Variants in EPS8 observed in about 807,000 individuals in gnomAD.
The protein encoded by EPS8 is epidermal growth factor receptor kinase substrate 8.
In EPS8, 42 loss-of-function variants were observed where a neutral mutation model predicts 103.8. That is an observed-to-expected ratio of 0.40 (90% CI 0.32 to 0.52). The LOEUF is 0.52. EPS8 is among the 20% of genes least tolerant of loss of function. The pLI is 0.40. For missense variants in EPS8, 969 were observed against 1,005.1 expected, an observed-to-expected ratio of 0.96 and a Z score of 0.49; for synonymous variants, 344 against 344.6, an observed-to-expected ratio of 1.00 and a Z score of 0.02.
intron 3 of EPS8, among the ~76,000 whole-genome samples, chr12:15,677,796 A>T (rs1945935205): frequency 6.6e-6 from 1 of 152,178 alleles, no homozygotes; most frequent in Non-Finnish European, 1.5e-5. Flanking sequence ...CACAAAACAC[A>T]CACATAGTGC....
At chr12:15,676,843 G>C (rs1365674443) in intron 3 of EPS8, among the ~76,000 whole-genome samples, 1 of 152,028 alleles carries the variant, frequency 6.6e-6, no homozygotes, top group Admixed American at 6.5e-5. Flanking sequence ...TTCTTGTATG[G>C]TAATTTAAAA....
intron 1 of EPS8, among the ~76,000 whole-genome samples, chr12:15,786,772 T>A (rs550385688): frequency 6.6e-6 from 1 of 152,226 alleles, no homozygotes; most frequent in Non-Finnish European, 1.5e-5. Flanking sequence ...ACTTAAAATG[T>A]TTGCAACTAT....
chr12:15,721,270 C>T lies in EPS8; in HGVS notation c.-21-38298G>A, dbSNP rs1228629283. 6.6e-6 allele frequency among the ~76,000 whole-genome samples: 1 copy of T among 152,178 alleles called. No homozygotes were observed. Among genetic ancestry groups the T allele is most frequent in the African/African-American group, 2.4e-5 (1 of 41,442 alleles). On this transcript the variant is annotated intron_variant, in intron 1 of 20. Coordinates refer to ENST00000281172, the MANE Select transcript of EPS8 (RefSeq NM_004447.6). The surrounding 1 kb of genome is among the most constrained non-coding windows in gnomAD (Gnocchi z 4.4). ...GAAACCCACCCATGTCTGTAATATACAGTCATATGCCATTCCCCACTCACA... is the reference window on the plus strand; with the variant it reads ...GAAACCCACCCATGTCTGTAATATATAGTCATATGCCATTCCCCACTCACA...
At chr12:15,758,429 A>G (rs1947009546) in intron 1 of EPS8, among the ~76,000 whole-genome samples, 1 of 152,228 alleles carries the variant, frequency 6.6e-6, no homozygotes, top group African/African-American at 2.4e-5. Context: ...GATCTCTCCA[A>G]TAGAACTTTC....
chr12:15,627,240 G>A (rs960250804), intron 18 of EPS8, among the ~76,000 whole-genome samples: 13 of 151,984 alleles, frequency 8.6e-5, no homozygotes, highest in African/African-American at 2.2e-4. Flanking sequence ...TCCTGACCTC[G>A]TGATCCACCC....
chr12:15,634,869 T>C, intron 17 of EPS8: 1 of 394,642 alleles, frequency 2.5e-6, no homozygotes, highest in Non-Finnish European at 4.5e-6. Context: ...AAGAGTAAAT[T>C]AGCCTGACAG....
At position 15,773,700 on chromosome 12, in the gene EPS8, A is replaced by G. The variant is rs146491444; in HGVS notation, c.-22+15461T>C. On this transcript the variant is annotated intron_variant, in intron 1 of 20. Coordinates refer to ENST00000281172, the MANE Select transcript of EPS8 (RefSeq NM_004447.6). ...ATCAGTTTTATCATTCCAGCAAATA[A>G]TCTCAGGACAACATTATTTTGACAG... Among the ~76,000 whole-genome samples the G allele has an allele frequency of 3.3e-4, 50 of 152,302 alleles. No individual in the cohort carries two copies. The East Asian group carries it at 6.4e-3, about 19-fold the overall frequency.
chr12:15,766,791 A>G (rs1368869982), intron 1 of EPS8, among the ~76,000 whole-genome samples: 1 of 152,206 alleles, frequency 6.6e-6, no homozygotes, highest in Non-Finnish European at 1.5e-5. Flanking sequence ...TTAAGCATAT[A>G]AAGTAAGACT....
intron 17 of EPS8, among the ~76,000 whole-genome samples, chr12:15,633,701 T>C (rs981130626): frequency 3.9e-5 from 6 of 152,224 alleles, no homozygotes; most frequent in African/African-American, 1.4e-4. Flanking sequence ...CCATAAATTA[T>C]ATTTACTTGC....
intron 1 of EPS8, among the ~76,000 whole-genome samples, chr12:15,712,633 G>T (rs1476909895): frequency 6.6e-6 from 1 of 152,120 alleles, no homozygotes; most frequent in East Asian, 1.9e-4. Context: ...TAAGCCAGAA[G>T]ACAGGAGGCA....
In EPS8 at chr12:15,752,426, G is replaced by A. The variant is rs774701766; in HGVS notation, c.-22+36735C>T. Among the ~76,000 whole-genome samples, 23 of 150,982 alleles carry A rather than the reference G, an allele frequency of 1.5e-4. 1 individual carries two copies. The highest frequency in any genetic ancestry group is 2.1e-4 in the South Asian group (1 of 4,796). ...CATGCCACTGCACCCTAGCCTGGGC[G>A]ACAGAGCAAGACTCCATCTCAAAAA... is the stretch of plus-strand genomic sequence containing the variant. On this transcript the variant is annotated intron_variant, in intron 1 of 20. Coordinates refer to ENST00000281172, the MANE Select transcript of EPS8 (RefSeq NM_004447.6). This position sits in a 1 kb window ranked among gnomAD's most constrained non-coding sequence, Gnocchi z 4.4.
intron 17 of EPS8, among the ~76,000 whole-genome samples, chr12:15,633,607 T>C (rs1039145865): frequency 2.6e-5 from 4 of 152,224 alleles, no homozygotes; most frequent in Non-Finnish European, 5.9e-5. Flanking sequence ...CATTGTTACA[T>C]AATGCAACTT....
chr12:15,691,267 G>A (rs781688795), intron 1 of EPS8, among the ~76,000 whole-genome samples: 1 of 151,446 alleles, frequency 6.6e-6, no homozygotes, highest in African/African-American at 2.4e-5. Flanking sequence ...GCTGGGCACA[G>A]TGATTTACTA....
chr12:15,669,429 C>T lies in EPS8; in HGVS notation c.474G>A (p.Gln158=), dbSNP rs144734288. Residue 158 remains glutamine (Q), a synonymous_variant, in exon 6 of 21, where the codon CAG becomes CAA. Coordinates refer to ENST00000281172, the MANE Select transcript of EPS8 (RefSeq NM_004447.6). The stretch of plus-strand genomic sequence containing the variant: ...GGAAGAGATGAAGATCTGGCTTGTT[C>T]TGGGTTGGCTCTTTGCACACCAGTG... ...VLALVCKEPT[Q]NKPDLHLFQC... The T allele has an allele frequency of 1.9e-6, 3 of 1,613,812 alleles. No homozygotes were observed. Among genetic ancestry groups the T allele is most frequent in the Non-Finnish European group, 2.5e-6 (3 of 1,179,930 alleles).
intron 1 of EPS8, among the ~76,000 whole-genome samples, chr12:15,739,578 T>A (rs914123604): frequency 6.6e-6 from 1 of 152,152 alleles, no homozygotes; most frequent in African/African-American, 2.4e-5. Flanking sequence ...CGACCTTGGA[T>A]GTTAGAACTC....
At position 15,727,729 on chromosome 12, in the gene EPS8, G is replaced by T. The variant is rs1178643559; in HGVS notation, c.-21-44757C>A. Among the ~76,000 whole-genome samples the T allele has an allele frequency of 6.6e-6, 1 of 151,904 alleles. No individual in the cohort carries two copies. The highest frequency in any genetic ancestry group is 1.5e-5 in the Non-Finnish European group (1 of 67,948). ...AAAAATTAGCCGGGCGTGGTGGCGC[G>T]TGCCTGTAATCCCAGCTACTCAGGA... On this transcript the variant is annotated intron_variant, in intron 1 of 20. Coordinates refer to ENST00000281172, the MANE Select transcript of EPS8 (RefSeq NM_004447.6). The surrounding 1 kb of genome is among the most constrained non-coding windows in gnomAD (Gnocchi z 4.3).
intron 1 of EPS8, among the ~76,000 whole-genome samples, chr12:15,729,889 T>A (rs947034229): frequency 6.6e-6 from 1 of 152,220 alleles, no homozygotes; most frequent in African/African-American, 2.4e-5. Flanking sequence ...TACATAGGTA[T>A]GATTAACTCT....
At chr12:15,634,873 C>T in intron 17 of EPS8, 3 of 394,086 alleles carry the variant, frequency 7.6e-6, no homozygotes, top group Non-Finnish European at 1.3e-5. Flanking sequence ...GTAAATTAGC[C>T]TGACAGTAAA....
rs1289495908 is a variant in EPS8, at chr12:15,728,296, T to C, written c.-21-45324A>G. 1 of 152,208 alleles carries C rather than the reference T, an allele frequency of 6.6e-6. No homozygotes were observed. The highest frequency in any genetic ancestry group is 2.4e-5 in the African/African-American group (1 of 41,450). The allele number at this position is 152,208 out of a possible 1,614,324, so 9.4% of individuals were successfully genotyped here. A position where few individuals can be genotyped will look rare whatever the true frequency, so the allele number is the denominator to read the frequency against. ...CAGGCACGGAAGCCAATTCATAGAT[T>C]CCATTTTCAAACCAGGGGGGGTGCC... On this transcript the variant is annotated intron_variant, in intron 1 of 20. Transcript: ENST00000281172. This position sits in a 1 kb window ranked among gnomAD's most constrained non-coding sequence, Gnocchi z 4.5.
Sources: allele counts gnomAD v4.1 joint callset (sites outside exome capture counted in the v4.1 genomes callset), GRCh38; gene constraint gnomAD v4.1.1; non-coding constraint Gnocchi (gnomAD v3.1); transcripts MANE v1.5; gene names NCBI Gene and HGNC (gene_info 2026-07-23, HGNC 2026-07-21).